The following SLC51B variants were observed in gnomAD, a reference collection of about 807,000 sequenced individuals.
SLC51B encodes the protein SLC51 subunit beta, also known as organic solute transporter subunit beta.
SLC51B carries 6 observed loss-of-function variants against 8.0 expected under a neutral mutation model. The ratio of observed to expected loss-of-function variants is 0.75; its 90% CI spans 0.41 to 1.48. The LOEUF (loss-of-function observed/expected upper bound fraction) is 1.48, where lower values mean the gene tolerates loss of function less well. SLC51B is among the 40% of genes most tolerant of loss of function. The pLI is 0.01. For synonymous variants in SLC51B, 61 were observed against 54.8 expected, an observed-to-expected ratio of 1.11 and a Z score of -0.50; for missense variants, 150 against 149.7, an observed-to-expected ratio of 1.00 and a Z score of -0.01.
At chr15:65,051,321 G>A (rs184943337) in intron 2 of SLC51B, among the ~76,000 whole-genome samples, 194 bp from the exon 3 acceptor site, 118 of 152,350 alleles carry the variant, frequency 7.7e-4, no homozygotes, top group Non-Finnish European at 1.2e-3. Context: ...CTTCTCCAGA[G>A]TAGAGACTGT....
chr15:65,052,935 C>A (rs1275995554), intron 3 of SLC51B, 31 bp from the exon 4 acceptor site: 9 of 1,459,722 alleles, frequency 6.2e-6, no homozygotes, highest in Non-Finnish European at 8.5e-6. Context: ...CACTCAGCCC[C>A]CCTCATTAAC....
intron 3 of SLC51B, 42 bp from the exon 4 acceptor site, chr15:65,052,924 C>T (rs370084456): frequency 1.1e-5 from 18 of 1,592,298 alleles, no homozygotes; most frequent in East Asian, 4.5e-5. Flanking sequence ...CCTGCCCCAA[C>T]CACTCAGCCC....
At chr15:65,046,096 TC>T (rs11303410) in intron 1 of SLC51B, among the ~76,000 whole-genome samples, 152,310 of 152,316 alleles carry the variant, frequency 1, 76,152 homozygotes, top group Middle Eastern at 1. Context: ...GGTCAGGAGT[TC>T]CGAGACCAGC....
Position 65,053,187 on chromosome 15 carries a change from C to T in SLC51B, c.*23C>T. ...TAGTGAGGGTTCAGAGAAGCCCCAT[C>T]CTAAGCCAGACACATGATGTGGGCT... On this transcript the variant is annotated 3_prime_UTR_variant, in exon 4 of 4. Coordinates refer to ENST00000334287, the MANE Select transcript of SLC51B (RefSeq NM_178859.4). 6.2e-7 allele frequency: 1 copy of T among 1,612,404 alleles called. No homozygotes were observed. The highest frequency in any genetic ancestry group is 8.5e-7 in the Non-Finnish European group (1 of 1,179,768).
At chr15:65,047,421 C>G (rs2086590077) in intron 1 of SLC51B, among the ~76,000 whole-genome samples, 1 of 151,928 alleles carries the variant, frequency 6.6e-6, no homozygotes, top group Non-Finnish European at 1.5e-5. Flanking sequence ...ATGTATTGTT[C>G]TCATGAAAGC....
intron 3 of SLC51B, among the ~76,000 whole-genome samples, 196 bp from the exon 4 acceptor site, chr15:65,052,770 G>A (rs2086671470): frequency 6.6e-6 from 1 of 152,134 alleles, no homozygotes; most frequent in South Asian, 2.1e-4. Flanking sequence ...TGACAGTAAG[G>A]ATTCCTTGAG....
At chr15:65,051,787 C>CAAAA (rs1555405611) in intron 3 of SLC51B, among the ~76,000 whole-genome samples, 182 bp downstream of exon 3, 1 of 151,116 alleles carries the variant, frequency 6.6e-6, no homozygotes, top group Non-Finnish European at 1.5e-5. Flanking sequence ...AACAAACAAA[C>CAAAA]AAAAAACAGC....
At chr15:65,046,650 T>C (rs1025627169) in intron 1 of SLC51B, among the ~76,000 whole-genome samples, 1 of 152,196 alleles carries the variant, frequency 6.6e-6, no homozygotes, top group African/African-American at 2.4e-5. Context: ...CGGTGGCTCA[T>C]GCCTGTAATC....
At position 65,049,885 on chromosome 15, in the gene SLC51B, C is replaced by T. The variant is rs914844968; in HGVS notation, c.-108-12C>T. On this transcript the variant is annotated splice_polypyrimidine_tract_variant and intron_variant, in intron 1 of 3. Transcript: ENST00000334287. ...GTGGGATATCCAGTCATGCTGTCTG[C>T]TTTGTTTCCAGGGGTCTTCACGGCT... The T allele has an allele frequency of 3.2e-6, 2 of 622,794 alleles. No homozygotes were observed. The highest frequency in any genetic ancestry group is 5.3e-6 in the Non-Finnish European group (2 of 373,968). 38.6% of individuals were successfully genotyped at this position (622,794 alleles called of 1,614,324 possible). A position where few individuals can be genotyped will look rare whatever the true frequency, so the allele number is the denominator to read the frequency against.
chr15:65,053,320 C>CTT lies in SLC51B; in HGVS notation c.*157_*158insTT. ...TTTCTTAGCAGATACAATGAATGAA[C>CTT]TGCAAGCAAACTAAAATTCTGTTAT... is the stretch of plus-strand genomic sequence containing the variant. On this transcript the variant is annotated 3_prime_UTR_variant, in exon 4 of 4. Coordinates refer to ENST00000334287, the MANE Select transcript of SLC51B (RefSeq NM_178859.4). 7.0e-7 allele frequency: 1 copy of CTT among 1,420,772 alleles called. No individual in the cohort carries two copies. The highest frequency in any genetic ancestry group is 9.1e-7 in the Non-Finnish European group (1 of 1,093,806). 88.0% of individuals were successfully genotyped at this position (1,420,772 alleles called of 1,614,324 possible). A position where few individuals can be genotyped will look rare whatever the true frequency, so the allele number is the denominator to read the frequency against.
rs537205272 is a variant in SLC51B, at chr15:65,048,138, G to A, written c.-108-1759G>A. ...ATAGGTTGCAGTGAGCTGAGATCAC[G>A]TCACTGCACTCCAGCCTGGGCGACA... On this transcript the variant is annotated intron_variant, in intron 1 of 3. Transcript: ENST00000334287. 1.9e-3 allele frequency among the ~76,000 whole-genome samples: 283 copies of A among 151,542 alleles called. 1 individual carries two copies. Among genetic ancestry groups the A allele is most frequent in the Non-Finnish European group, 3.6e-3 (246 of 67,928 alleles).
Position 65,053,006 on chromosome 15 carries a change from G to T in SLC51B, c.229G>T (p.Val77Phe). 1.2e-6 allele frequency: 2 copies of T among 1,613,424 alleles called. No homozygotes were observed. The highest frequency in any genetic ancestry group is 1.7e-6 in the Non-Finnish European group (2 of 1,179,940). The change falls in exon 4 of 4, where the codon GTC becomes TTC. Residue 77 changes from valine (V) to phenylalanine (F), a missense_variant. Physicochemically the swap from Val to Phe is conservative, Grantham distance 50. Transcript: ENST00000334287. The part of the protein sequence containing the change: ...MQPPEKETPE[V>F]LHLDEAKDHN... ...GCCACCAGAAAAAGAAACTCCAGAA[G>T]TCCTGCATTTGGATGAGGCCAAGGA...
At position 65,049,878 on chromosome 15, in the gene SLC51B, C is replaced by G. The variant is rs990362046; in HGVS notation, c.-108-19C>G. 1 of 589,478 alleles carries G rather than the reference C, an allele frequency of 1.7e-6. No individual in the cohort carries two copies. Among genetic ancestry groups the G allele is most frequent in the Non-Finnish European group, 2.9e-6 (1 of 345,988 alleles). 36.5% of individuals were successfully genotyped at this position (589,478 alleles called of 1,614,324 possible). ...AACTCGGGTGGGATATCCAGTCATGCTGTCTGCTTTGTTTCCAGGGGTCTT... is the reference window on the plus strand; with the variant it reads ...AACTCGGGTGGGATATCCAGTCATGGTGTCTGCTTTGTTTCCAGGGGTCTT... On this transcript the variant is annotated intron_variant, in intron 1 of 3. Transcript: ENST00000334287.
intron 2 of SLC51B, 131 bp from the exon 3 acceptor site, chr15:65,051,384 C>G (rs1464252694): frequency 5.0e-6 from 4 of 807,090 alleles, no homozygotes; most frequent in Non-Finnish European, 8.2e-6. Flanking sequence ...AGGGGCCCAT[C>G]TTTGATTAGG....
chr15:65,048,827 G>C (rs2086609020), intron 1 of SLC51B, among the ~76,000 whole-genome samples: 1 of 152,064 alleles, frequency 6.6e-6, no homozygotes, highest in South Asian at 2.1e-4. Context: ...TGGCCAACAT[G>C]GTGAAACCCC....
chr15:65,049,330 AAAAAAAAG>A (rs2086617187), intron 1 of SLC51B: 1 of 150,914 alleles, frequency 6.6e-6, no homozygotes, highest in Non-Finnish European at 1.5e-5. Flanking sequence ...ACTTGTCCAA[AAAAAAAAG>A]AAAAAGAAAA....
Position 65,049,909 on chromosome 15 carries a change from C to T in SLC51B, c.-96C>T. On this transcript the variant is annotated 5_prime_UTR_variant, in exon 2 of 4. Transcript: ENST00000334287. Reference sequence around the variant, plus strand: ...GCTTTGTTTCCAGGGGTCTTCACGGCTTCTCTGCCCAGGGGCCAGAACCGA... The same window carrying T: ...GCTTTGTTTCCAGGGGTCTTCACGGTTTCTCTGCCCAGGGGCCAGAACCGA... 1 of 863,380 alleles carries T rather than the reference C, an allele frequency of 1.2e-6. No individual in the cohort carries two copies. The highest frequency in any genetic ancestry group is 3.0e-5 in the Admixed American group (1 of 32,842). The allele number at this position is 863,380 out of a possible 1,614,324, so 53.5% of individuals were successfully genotyped here.
chr15:65,046,269 C>G (rs1254133507), intron 1 of SLC51B, among the ~76,000 whole-genome samples: 1 of 152,164 alleles, frequency 6.6e-6, no homozygotes, highest in African/African-American at 2.4e-5. Flanking sequence ...CCACTACACT[C>G]CAGCCTGGGC....
intron 2 of SLC51B, among the ~76,000 whole-genome samples, chr15:65,050,824 C>CT (rs1396278283): frequency 8.7e-5 from 10 of 114,932 alleles, no homozygotes; most frequent in South Asian, 3.1e-4. Context: ...TTTTTTCTTT[C>CT]TTCTTCTTCT....
Sources: gnomAD v4.1 joint callset for allele counts (sites outside exome capture counted in the v4.1 genomes callset) on GRCh38, gnomAD v4.1.1 for gene constraint, MANE v1.5 for transcripts, NCBI Gene and HGNC (gene_info 2026-07-23, HGNC 2026-07-21) for gene names.